Variants in RNF214 observed in about 807,000 individuals in gnomAD.
RNF214 encodes the protein ring finger protein 214.
In RNF214, 25 loss-of-function variants were observed where a neutral mutation model predicts 75.9. The observed-to-expected ratio is 0.33, with a 90% confidence interval of 0.24 to 0.46. The LOEUF (loss-of-function observed/expected upper bound fraction) is 0.46. RNF214 is among the 20% of genes least tolerant of loss of function. The pLI is 1.00. For synonymous variants in RNF214, 314 were observed against 308.8 expected (o/e 1.02, Z -0.18); for missense variants, 725 against 857.5 (o/e 0.85, Z 1.93).
chr11:117,265,809 A>G (rs1211145737), intron 6 of RNF214, among the ~76,000 whole-genome samples: 1 of 152,216 alleles, frequency 6.6e-6, no homozygotes, highest in Non-Finnish European at 1.5e-5. Context: ...GAGTTTTGAC[A>G]TATTAATTAT....
At chr11:117,256,573 A>G (rs1244291303) in intron 6 of RNF214, among the ~76,000 whole-genome samples, 1 of 152,154 alleles carries the variant, frequency 6.6e-6, no homozygotes, top group Non-Finnish European at 1.5e-5. Flanking sequence ...CTCTTGCCAT[A>G]TAGTCTCGGG....
chr11:117,269,521 C>G (rs2033864051), intron 6 of RNF214, among the ~76,000 whole-genome samples: 2 of 152,118 alleles, frequency 1.3e-5, no homozygotes, highest in Admixed American at 1.3e-4. Flanking sequence ...TGCCACCATG[C>G]CCTGCTAATT....
chr11:117,248,513 G>A (rs74388017), intron 6 of RNF214, among the ~76,000 whole-genome samples: 5,761 of 152,290 alleles, frequency 0.038, 334 homozygotes, highest in African/African-American at 0.13. Flanking sequence ...TCAGACTGCT[G>A]AGTTAGCAAG....
At chr11:117,251,573 T>G (rs2134377195) in intron 6 of RNF214, among the ~76,000 whole-genome samples, 2 of 149,758 alleles carry the variant, frequency 1.3e-5, no homozygotes, top group East Asian at 4.1e-4. Context: ...GCCGGGTCAT[T>G]TTATTATTTT....
intron 8 of RNF214, 31 bp from the exon 9 acceptor site, chr11:117,281,283 A>G (rs751102115): frequency 2.0e-6 from 3 of 1,531,556 alleles, no homozygotes; most frequent in Non-Finnish European, 2.7e-6. Context: ...GCTTTCTTTA[A>G]ATCTGTAAAT....
rs750169907 is a variant in RNF214, at chr11:117,239,026, C to A, written c.533C>A (p.Ala178Glu). 3 of 1,614,006 alleles carry A rather than the reference C, an allele frequency of 1.9e-6. No homozygotes were observed. The African/African-American group carries it at 4.0e-5, about 22-fold the overall frequency. Residue 178 changes from alanine (A) to glutamate (E), a missense_variant, in exon 3 of 15, where the codon GCA becomes GAA. Transcript: ENST00000300650. ...SLDFRPVVSP[A>E]NGVEGVRVDQ... ...GATTTCCGACCTGTAGTGTCTCCAG[C>A]AAATGGGGTTGAAGGAGTCCGAGTG...
At chr11:117,257,096 G>C (rs1281509790) in intron 6 of RNF214, among the ~76,000 whole-genome samples, 1 of 152,168 alleles carries the variant, frequency 6.6e-6, no homozygotes, top group Non-Finnish European at 1.5e-5. Flanking sequence ...CAGCTCTTTG[G>C]GAGGCCAAAG....
Position 117,281,295 on chromosome 11 carries a change from C to T in RNF214, c.1146-19C>T. 1.3e-6 allele frequency: 2 copies of T among 1,581,698 alleles called. No individual in the cohort carries two copies. The highest frequency in any genetic ancestry group is 1.7e-6 in the Non-Finnish European group (2 of 1,150,956). ...AGGGCTTTCTTTAAATCTGTAAATT[C>T]CTGTTGGTTTCTTGAAAGGTCAACT... On this transcript the variant is annotated intron_variant, in intron 8 of 14. Transcript: ENST00000300650.
intron 6 of RNF214, among the ~76,000 whole-genome samples, chr11:117,254,253 A>T (rs1055421134): frequency 2.0e-5 from 3 of 148,030 alleles, no homozygotes; most frequent in South Asian, 4.3e-4. Context: ...CATCTCAAAG[A>T]AAAAAAAAAA....
intron 4 of RNF214, 23 bp downstream of exon 4, chr11:117,239,883 T>C: frequency 1.6e-6 from 2 of 1,251,432 alleles, no homozygotes; most frequent in Non-Finnish European, 2.3e-6. Context: ...ACTGTCCTTG[T>C]TATATGAAGC....
At chr11:117,263,580 A>G (rs1034520477) in intron 6 of RNF214, among the ~76,000 whole-genome samples, 12 of 152,106 alleles carry the variant, frequency 7.9e-5, no homozygotes, top group Non-Finnish European at 1.5e-4. Flanking sequence ...AGCAGAAAAA[A>G]AATTTTAATT....
intron 6 of RNF214, among the ~76,000 whole-genome samples, chr11:117,266,419 G>A (rs2134400147): frequency 6.6e-6 from 1 of 152,098 alleles, no homozygotes; most frequent in African/African-American, 2.4e-5. Context: ...GAGTGCAGTG[G>A]TGCAATCTTG....
intron 14 of RNF214, among the ~76,000 whole-genome samples, chr11:117,284,291 T>C (rs1348493171): frequency 1.3e-5 from 2 of 152,212 alleles, no homozygotes; most frequent in African/African-American, 4.8e-5. Context: ...TGACAAGTCA[T>C]TCCTATTTTT....
At chr11:117,260,922 G>A (rs1312840527) in intron 6 of RNF214, among the ~76,000 whole-genome samples, 6 of 149,872 alleles carry the variant, frequency 4.0e-5, no homozygotes, top group Non-Finnish European at 7.4e-5. Context: ...CCAAAGTGCT[G>A]GGATTACAGG....
chr11:117,271,617 A>C (rs1434350847), intron 6 of RNF214, among the ~76,000 whole-genome samples: 1 of 152,202 alleles, frequency 6.6e-6, no homozygotes, highest in Non-Finnish European at 1.5e-5. Flanking sequence ...TGGACAGGTT[A>C]AATTTGAAGT....
chr11:117,250,619 T>TA (rs1555053717), intron 6 of RNF214, among the ~76,000 whole-genome samples: 121 of 147,960 alleles, frequency 8.2e-4, no homozygotes, highest in Admixed American at 3.2e-3. Flanking sequence ...ATTTTTTTTT[T>TA]AATTTTTTTT....
chr11:117,282,779 C>T lies in RNF214; in HGVS notation c.1879C>T (p.Pro627Ser). 2.5e-6 allele frequency: 4 copies of T among 1,614,174 alleles called. No homozygotes were observed. Among genetic ancestry groups the T allele is most frequent in the Non-Finnish European group, 3.4e-6 (4 of 1,180,020 alleles). ...TCGCATCCGGGCCTTGTTCCCTGCT[C>T]CACTGGCCCAAATCAGTACCCCAAT... ...LGRIRALFPA[P>S]LAQISTPMFL... Residue 627 changes from proline (P) to serine (S), a missense_variant, in exon 13 of 15, where the codon CCA becomes TCA. By Grantham distance (74) the Pro-to-Ser change is moderately conservative. Coordinates refer to ENST00000300650, the MANE Select transcript of RNF214 (RefSeq NM_207343.4).
In RNF214 at chr11:117,260,268, A is replaced by G. The variant is rs78367675; in HGVS notation, c.959+13320A>G. ...CTCAGCCTCCCAAGTAGCTGGGACT[A>G]CAGCCATGTACCACCACACTCTTCA... On this transcript the variant is annotated intron_variant, in intron 6 of 14. Coordinates refer to ENST00000300650, the MANE Select transcript of RNF214 (RefSeq NM_207343.4). Among the ~76,000 whole-genome samples, 300 of 152,320 alleles carry G rather than the reference A, an allele frequency of 2.0e-3. No homozygotes were observed. The East Asian group carries it at 0.028, about 14-fold the overall frequency.
intron 6 of RNF214, among the ~76,000 whole-genome samples, chr11:117,262,525 A>G (rs1413285972): frequency 1.3e-5 from 2 of 152,016 alleles, no homozygotes; most frequent in Admixed American, 6.6e-5. Flanking sequence ...GACTACAGGC[A>G]TGTGCCACCA....
Sources: allele counts gnomAD v4.1 joint callset (sites outside exome capture counted in the v4.1 genomes callset), GRCh38; gene constraint gnomAD v4.1.1; transcripts MANE v1.5; gene names NCBI Gene and HGNC (gene_info 2026-07-23, HGNC 2026-07-21).